The following LCMT1 variants were observed in gnomAD, a reference collection of about 807,000 sequenced individuals.
LCMT1 encodes the protein [Phosphatase 2A protein]-leucine-carboxy methyltransferase 1.
In LCMT1, 32 loss-of-function variants were observed where a neutral mutation model predicts 47.7. That is an observed-to-expected ratio of 0.67 (90% CI 0.51 to 0.90). The LOEUF is 0.90. Among genes scored for constraint, LCMT1 ranks in the 40% least tolerant of loss-of-function variants. LCMT1 has a pLI of 0.00. For missense variants in LCMT1, 375 were observed against 415.2 expected (o/e 0.90, Z 0.84); for synonymous variants, 152 against 149.7 (o/e 1.02, Z -0.11).
chr16:25,170,817 G>C lies in LCMT1; in HGVS notation c.884+12G>C. ...GCTGAAGTGAGCAGGTATGGGGTTG[G>C]TGAGCGTCAGCTTGATGGGCATTCA... On this transcript the variant is annotated intron_variant, in intron 9 of 10. Transcript: ENST00000399069. 2 of 1,581,112 alleles carry C rather than the reference G, an allele frequency of 1.3e-6. No individual in the cohort carries two copies. Among genetic ancestry groups the C allele is most frequent in the Non-Finnish European group, 1.7e-6 (2 of 1,154,758 alleles).
At chr16:25,169,312 A>G (rs924574375) in intron 8 of LCMT1, 99 bp downstream of exon 8, 6 of 777,092 alleles carry the variant, frequency 7.7e-6, no homozygotes, top group Non-Finnish European at 1.3e-5. Flanking sequence ...AGCCCTGTTC[A>G]GTGCCTGTCA....
At chr16:25,157,578 T>G (rs1190091975) in intron 5 of LCMT1, among the ~76,000 whole-genome samples, 1 of 151,948 alleles carries the variant, frequency 6.6e-6, no homozygotes, top group Non-Finnish European at 1.5e-5. Flanking sequence ...AAAAACTGAT[T>G]AGGACGATAA....
At chr16:25,144,087 G>A (rs1330287687) in intron 4 of LCMT1, 1 of 152,226 alleles carries the variant, frequency 6.6e-6, no homozygotes, top group Non-Finnish European at 1.5e-5. Context: ...TCCCTCTGGT[G>A]GCCTTTGCAG....
At chr16:25,176,538 GT>G (rs1377261577) in intron 10 of LCMT1, among the ~76,000 whole-genome samples, 1 of 53,360 alleles carries the variant, frequency 1.9e-5, no homozygotes, top group East Asian at 6.0e-4. Context: ...TTTGGTTTTT[GT>G]TTTTTTTTGG....
At chr16:25,173,597 A>G (rs1961839047) in intron 9 of LCMT1, among the ~76,000 whole-genome samples, 1 of 152,212 alleles carries the variant, frequency 6.6e-6, no homozygotes, top group South Asian at 2.1e-4. Flanking sequence ...AGCAGTGGCT[A>G]TTGTGAATAG....
intron 1 of LCMT1, among the ~76,000 whole-genome samples, chr16:25,124,235 C>T (rs992379886): frequency 6.6e-6 from 1 of 152,096 alleles, no homozygotes; most frequent in African/African-American, 2.4e-5. Flanking sequence ...TTTTAAACAA[C>T]ATGTTTTTCA....
intron 4 of LCMT1, chr16:25,148,690 C>T (rs1960956317): frequency 6.6e-6 from 1 of 152,086 alleles, no homozygotes; most frequent in Non-Finnish European, 1.5e-5. Context: ...CTTGCAGAGA[C>T]CAGAGGAAAA....
At chr16:25,173,289 T>A (rs1003460305) in intron 9 of LCMT1, among the ~76,000 whole-genome samples, 2 of 152,166 alleles carry the variant, frequency 1.3e-5, no homozygotes, top group African/African-American at 2.4e-5. Context: ...ATTAGTAGTG[T>A]CTCCTGATAG....
At chr16:25,115,116 A>G (rs1959745846) in intron 1 of LCMT1, among the ~76,000 whole-genome samples, 1 of 152,014 alleles carries the variant, frequency 6.6e-6, no homozygotes, top group South Asian at 2.1e-4. Context: ...CTGATGCTGC[A>G]CTGCCTCACA....
intron 3 of LCMT1, among the ~76,000 whole-genome samples, chr16:25,132,907 G>A (rs991186599): frequency 6.7e-6 from 1 of 150,344 alleles, no homozygotes; most frequent in Admixed American, 6.6e-5. Flanking sequence ...ACCCAGGCTG[G>A]AACGCAATGG....
intron 3 of LCMT1, among the ~76,000 whole-genome samples, chr16:25,138,084 A>G (rs1018633951): frequency 2.6e-5 from 4 of 152,092 alleles, no homozygotes; most frequent in African/African-American, 9.7e-5. Flanking sequence ...CCCATCCTCT[A>G]CCAGCGAAGC....
chr16:25,125,025 T>A (rs554426761), intron 1 of LCMT1, among the ~76,000 whole-genome samples: 8 of 152,158 alleles, frequency 5.3e-5, no homozygotes, highest in Admixed American at 5.2e-4. Context: ...ACTGGGAAAA[T>A]CTTTGAGGTC....
At chr16:25,169,785 C>T (rs1379837002) in intron 8 of LCMT1, among the ~76,000 whole-genome samples, 1 of 152,048 alleles carries the variant, frequency 6.6e-6, no homozygotes, top group Non-Finnish European at 1.5e-5. Context: ...GTGTTTGAAT[C>T]AGGATTTAAA....
intron 1 of LCMT1, among the ~76,000 whole-genome samples, chr16:25,113,348 A>G (rs1256460407): frequency 1.3e-5 from 2 of 152,180 alleles, no homozygotes; most frequent in Non-Finnish European, 2.9e-5. Flanking sequence ...CTTGGGGACT[A>G]AACTTTCAGA....
chr16:25,112,374 A>C (rs1959648842), intron 1 of LCMT1, among the ~76,000 whole-genome samples: 1 of 152,158 alleles, frequency 6.6e-6, no homozygotes, highest in South Asian at 2.1e-4. Flanking sequence ...TGTAGGTTGC[A>C]TTCTTTAGGG....
intron 6 of LCMT1, 109 bp from the exon 7 acceptor site, chr16:25,164,489 G>T: frequency 7.4e-7 from 1 of 1,350,706 alleles, no homozygotes; most frequent in Non-Finnish European, 1.0e-6. Context: ...CAGGCCTTCT[G>T]AGTTCCCTGG....
At chr16:25,146,177 G>C (rs1960845130) in intron 4 of LCMT1, 1 of 152,258 alleles carries the variant, frequency 6.6e-6, no homozygotes, top group Non-Finnish European at 1.5e-5. Flanking sequence ...ATTGCAATTG[G>C]AGAGGAGGCA....
chr16:25,115,703 G>A (rs990380102), intron 1 of LCMT1, among the ~76,000 whole-genome samples: 1 of 152,156 alleles, frequency 6.6e-6, no homozygotes, highest in African/African-American at 2.4e-5. Context: ...TTGAGAGGGA[G>A]TTTGGCTGTT....
rs147319280 is a variant in LCMT1, at chr16:25,161,784, T to C, written c.569+580T>C. On this transcript the variant is annotated intron_variant, in intron 6 of 10. Coordinates refer to ENST00000399069, the MANE Select transcript of LCMT1 (RefSeq NM_016309.3). Reference sequence around the variant, plus strand: ...ATATTTGTAACATATAAAGAAAAGATTAGCATCCAGAATATATAAAGAACA... The same window carrying C: ...ATATTTGTAACATATAAAGAAAAGACTAGCATCCAGAATATATAAAGAACA... 7.5e-3 allele frequency among the ~76,000 whole-genome samples: 1,142 copies of C among 151,712 alleles called. 6 individuals are homozygous for C. The highest frequency in any genetic ancestry group is 0.011 in the Non-Finnish European group (743 of 67,934).
Sources: gnomAD v4.1 joint callset for allele counts (sites outside exome capture counted in the v4.1 genomes callset) on GRCh38, gnomAD v4.1.1 for gene constraint, MANE v1.5 for transcripts, NCBI Gene and HGNC (gene_info 2026-07-23, HGNC 2026-07-21) for gene names.